The following GPCPD1 variants were observed in gnomAD, a reference collection of about 807,000 sequenced individuals.
GPCPD1 encodes glycerophosphocholine phosphodiesterase GPCPD1.
GPCPD1 carries 29 observed loss-of-function variants against 89.2 expected under a neutral mutation model. That is an observed-to-expected ratio of 0.33 (90% CI 0.24 to 0.44). GPCPD1 has a LOEUF of 0.44. GPCPD1 is among the 20% of genes least tolerant of loss of function. The pLI is 1.00. For missense variants in GPCPD1, 594 were observed against 808.9 expected (o/e 0.73, Z 3.22); for synonymous variants, 258 against 266.3 (o/e 0.97, Z 0.30).
intron 1 of GPCPD1, among the ~76,000 whole-genome samples, chr20:5,610,020 G>A (rs1323772868): frequency 6.6e-6 from 1 of 152,120 alleles, no homozygotes; most frequent in Non-Finnish European, 1.5e-5. Flanking sequence ...CAAACATCCT[G>A]CTCAGTTCCA....
chr20:5,600,667 A>G (rs532642628), intron 2 of GPCPD1, among the ~76,000 whole-genome samples: 24 of 152,266 alleles, frequency 1.6e-4, no homozygotes, highest in Middle Eastern at 3.4e-3. Context: ...CCCCATCTCT[A>G]CTAAAAATAC....
chr20:5,572,257 A>C (rs1346055119), intron 11 of GPCPD1, among the ~76,000 whole-genome samples: 1 of 152,178 alleles, frequency 6.6e-6, no homozygotes, highest in Non-Finnish European at 1.5e-5. Context: ...TGACAGTAAA[A>C]CTGGTTCCAA....
intron 4 of GPCPD1, among the ~76,000 whole-genome samples, chr20:5,586,928 A>C (rs1600775166): frequency 6.6e-6 from 1 of 152,314 alleles, no homozygotes; most frequent in East Asian, 1.9e-4. Flanking sequence ...TAAAAGAGGA[A>C]CTAACATCCG....
intron 4 of GPCPD1, among the ~76,000 whole-genome samples, chr20:5,588,170 T>A (rs1402897409): frequency 1.3e-5 from 2 of 152,244 alleles, no homozygotes; most frequent in Admixed American, 6.5e-5. Flanking sequence ...AAATATTTTT[T>A]AAATGTGTTT....
rs1978287574 is a variant in GPCPD1, at chr20:5,575,922, T to G, written c.762A>C (p.Thr254=). 2.5e-6 allele frequency: 4 copies of G among 1,602,926 alleles called. No homozygotes were observed. The highest frequency in any genetic ancestry group is 3.4e-6 in the Non-Finnish European group (4 of 1,169,990). ...CAATGGTGGATGATAAGAGACAAGC[T>G]GTACCCACATGTCCAGGAAGGGCAT... ...QGDALPGHVG[T]ACLLSSTIAE... Residue 254 remains threonine (T), a synonymous_variant, in exon 9 of 20, where the codon ACA becomes ACC. Transcript: ENST00000379019.
chr20:5,610,229 G>C (rs568127435), intron 1 of GPCPD1, among the ~76,000 whole-genome samples: 6 of 152,334 alleles, frequency 3.9e-5, no homozygotes, highest in African/African-American at 1.4e-4. Context: ...TAGAGCTTTG[G>C]AGAGAAGGGG....
intron 6 of GPCPD1, among the ~76,000 whole-genome samples, chr20:5,581,920 C>T (rs570438886): frequency 7.0e-6 from 1 of 143,224 alleles, no homozygotes. Context: ...CGCGGTGGCT[C>T]ACGCCTGTAA....
intron 19 of GPCPD1, 85 bp from the exon 20 acceptor site, chr20:5,547,935 A>T (rs1279383043): frequency 1.8e-5 from 12 of 653,036 alleles, no homozygotes; most frequent in Non-Finnish European, 3.1e-5. Flanking sequence ...TTTTCATAAG[A>T]ATTCATTTAC....
intron 14 of GPCPD1, among the ~76,000 whole-genome samples, chr20:5,565,853 T>C (rs896602978): frequency 1.3e-5 from 2 of 152,092 alleles, no homozygotes; most frequent in South Asian, 2.1e-4. Flanking sequence ...AATTAATCAA[T>C]ATAGACTAAA....
At chr20:5,604,674 T>C (rs1482341011) in intron 1 of GPCPD1, among the ~76,000 whole-genome samples, 2 of 129,202 alleles carry the variant, frequency 1.5e-5, no homozygotes, top group Non-Finnish European at 3.2e-5. Context: ...GCACAGTGCC[T>C]CATGCCTGTA....
intron 2 of GPCPD1, among the ~76,000 whole-genome samples, chr20:5,602,646 C>A (rs1458610663): frequency 6.6e-6 from 1 of 152,172 alleles, no homozygotes; most frequent in Non-Finnish European, 1.5e-5. Context: ...CTGATCCAGG[C>A]TCTCTGCTAG....
intron 12 of GPCPD1, among the ~76,000 whole-genome samples, chr20:5,569,817 A>G (rs934385503): frequency 6.6e-6 from 1 of 152,222 alleles, no homozygotes; most frequent in Non-Finnish European, 1.5e-5. Flanking sequence ...AACAGCTGGA[A>G]TCCTAGAAAA....
intron 19 of GPCPD1, among the ~76,000 whole-genome samples, chr20:5,556,470 C>T (rs1985773664): frequency 6.6e-6 from 1 of 152,192 alleles, no homozygotes. Context: ...TCCCAAGGTG[C>T]TGGGATTACA....
intron 7 of GPCPD1, among the ~76,000 whole-genome samples, chr20:5,578,956 C>T (rs1419749930): frequency 3.3e-5 from 5 of 152,058 alleles, no homozygotes; most frequent in East Asian, 1.9e-4. Context: ...GGGAAGCTGA[C>T]GCGGGAGGAT....
intron 11 of GPCPD1, 39 bp from the exon 12 acceptor site, chr20:5,570,278 G>A (rs188591640): frequency 7.2e-6 from 7 of 975,748 alleles, no homozygotes; most frequent in Middle Eastern, 4.2e-4. Flanking sequence ...ACATTGCCTG[G>A]TACACAGTAC....
intron 12 of GPCPD1, among the ~76,000 whole-genome samples, chr20:5,568,224 T>TACTTAGTATATATATATATAC (rs1568653285): frequency 1.5e-5 from 2 of 135,970 alleles, no homozygotes; most frequent in African/African-American, 6.1e-5. Context: ...CCAACAAATA[T>TACTTAGTATATATATATATAC]ACTTAGTATA....
Position 5,610,908 on chromosome 20 carries a change from G to C in GPCPD1, c.-95C>G, listed in dbSNP as rs1980932909. On this transcript the variant is annotated 5_prime_UTR_variant, in exon 1 of 20. Transcript: ENST00000379019. ...CGCCCGAGAGCGAGGACCGCGGGCA[G>C]AGGTACCGGGCGCCCGCCGTCCGTG... is the stretch of plus-strand genomic sequence containing the variant. 3 of 149,708 alleles carry C rather than the reference G, an allele frequency of 2.0e-5. No individual in the cohort carries two copies. The South Asian group carries it at 6.3e-4, about 31-fold the overall frequency. 9.3% of individuals were successfully genotyped at this position (149,708 alleles called of 1,614,324 possible).
At chr20:5,584,361 T>C in intron 5 of GPCPD1, 39 bp from the exon 6 acceptor site, 2 of 835,566 alleles carry the variant, frequency 2.4e-6, no homozygotes, top group Non-Finnish European at 4.2e-6. Context: ...GTTAAAACTC[T>C]TGATGCATAC....
intron 4 of GPCPD1, among the ~76,000 whole-genome samples, chr20:5,587,064 G>A (rs2122725232): frequency 6.6e-6 from 1 of 152,266 alleles, no homozygotes; most frequent in Non-Finnish European, 1.5e-5. Context: ...ATGCGGTAGT[G>A]AGTAACCATG....
Sources: gnomAD v4.1 joint callset for allele counts (sites outside exome capture counted in the v4.1 genomes callset) on GRCh38, gnomAD v4.1.1 for gene constraint, MANE v1.5 for transcripts, NCBI Gene and HGNC (gene_info 2026-07-23, HGNC 2026-07-21) for gene names.